The following NDEL1 variants were observed in gnomAD, a reference collection of about 807,000 sequenced individuals.
NDEL1 encodes nudE neurodevelopment protein 1 like 1, also known as nuclear distribution protein nudE-like 1.
NDEL1 carries 9 observed loss-of-function variants against 45.7 expected under a neutral mutation model. The ratio of observed to expected loss-of-function variants is 0.20; its 90% confidence interval spans 0.12 to 0.34. The LOEUF is 0.34. Among genes scored for constraint, NDEL1 ranks in the 10% least tolerant of loss-of-function variants. The pLI, the probability that NDEL1 is intolerant of heterozygous loss-of-function variation, is 1.00. For synonymous variants in NDEL1, 133 were observed against 158.6 expected (o/e 0.84, Z 1.21); for missense variants, 306 against 406.2 (o/e 0.75, Z 2.12).
intron 7 of NDEL1, among the ~76,000 whole-genome samples, chr17:8,459,184 TA>T (rs1911041220): frequency 6.6e-6 from 1 of 152,222 alleles, no homozygotes; most frequent in Admixed American, 6.5e-5. Context: ...ATTGTGTATA[TA>T]TATATTTTGC....
At chr17:8,472,670 AAAAC>A (rs1230183286), downstream of NDEL1, among the ~76,000 whole-genome samples, 1 of 152,156 alleles carries the variant, frequency 6.6e-6, no homozygotes, top group East Asian at 1.9e-4. Context: ...CTCGGGAAAA[AAAAC>A]AAGTTGTTAT....
chr17:8,466,364 CCT>C (rs1567745911), intron 8 of NDEL1: 1 of 153,020 alleles, frequency 6.5e-6, no homozygotes, highest in African/African-American at 2.4e-5. Context: ...ACACACTCCC[CCT>C]CTGTCCCTGC....
At chr17:8,463,357 A>G (rs1450023045) in intron 8 of NDEL1, 2 of 1,612,884 alleles carry the variant, frequency 1.2e-6, no homozygotes, top group Admixed American at 1.7e-5. Flanking sequence ...GTTCATGGGT[A>G]ACTGAATTTG....
At chr17:8,414,798 G>T (rs981826771) in intron 1 of NDEL1, among the ~76,000 whole-genome samples, 2 of 152,136 alleles carry the variant, frequency 1.3e-5, no homozygotes, top group Non-Finnish European at 1.5e-5. Context: ...GGGATTACAG[G>T]CTTGAGCCAC....
At chr17:8,442,670 C>T (rs999598828) in intron 1 of NDEL1, among the ~76,000 whole-genome samples, 10 of 148,878 alleles carry the variant, frequency 6.7e-5, no homozygotes, top group East Asian at 3.9e-4. Context: ...GAGATTTAAC[C>T]GTTCATTCCT....
chr17:8,445,947 G>A (rs771169309), intron 3 of NDEL1, 83 bp downstream of exon 3: 18 of 1,262,000 alleles, frequency 1.4e-5, no homozygotes, highest in Non-Finnish European at 1.5e-5. Flanking sequence ...CTTAAGAGCA[G>A]CTGGCGACAA....
intron 6 of NDEL1, among the ~76,000 whole-genome samples, chr17:8,451,194 A>G (rs1331373661): frequency 7.9e-5 from 12 of 152,200 alleles, no homozygotes. Context: ...AGGAAAGTTT[A>G]TTTTTTGATG....
rs1212974599 is a variant in NDEL1 at position 8,465,281 on chromosome 17, T to A, written c.945-1649T>A. The A allele has an allele frequency of 6.6e-6, 1 of 152,180 alleles. No homozygotes were observed. The highest frequency in any genetic ancestry group is 1.5e-5 in the Non-Finnish European group (1 of 68,030). The allele number at this position is 152,180 out of a possible 1,614,324, so 9.4% of individuals were successfully genotyped here. A position where few individuals can be genotyped will look rare whatever the true frequency, so the allele number is the denominator to read the frequency against. ...CAGAAGAGGCACAGGCCTGTGACCTTGGGAGAGTGGGAAGGATGATTTCAA... is the reference window on the plus strand; with the variant it reads ...CAGAAGAGGCACAGGCCTGTGACCTAGGGAGAGTGGGAAGGATGATTTCAA... On this transcript the variant is annotated intron_variant, in intron 8 of 8. Coordinates refer to ENST00000334527, the MANE Select transcript of NDEL1 (RefSeq NM_030808.5). The surrounding 1 kb of genome is among the most constrained non-coding windows in gnomAD (Gnocchi z 4.9).
intron 1 of NDEL1, among the ~76,000 whole-genome samples, chr17:8,440,881 C>T (rs1597529000): frequency 1.3e-5 from 2 of 152,154 alleles, no homozygotes; most frequent in African/African-American, 4.8e-5. Context: ...ACAAAAAATA[C>T]CCCCACATGG....
intron 1 of NDEL1, among the ~76,000 whole-genome samples, chr17:8,428,942 G>A (rs940995311): frequency 2.0e-5 from 3 of 152,086 alleles, no homozygotes; most frequent in Non-Finnish European, 2.9e-5. Context: ...CAAAGTGCTG[G>A]GATTACAGGC....
chr17:8,449,592 T>A (rs4344810), intron 5 of NDEL1, among the ~76,000 whole-genome samples: 3 of 152,226 alleles, frequency 2.0e-5, no homozygotes, highest in Non-Finnish European at 4.4e-5. Context: ...CACAGTTCTA[T>A]TTTCTATGAG....
chr17:8,450,288 CAAAA>C (rs5819194), intron 5 of NDEL1, among the ~76,000 whole-genome samples: 1 of 115,694 alleles, frequency 8.6e-6, no homozygotes, highest in Admixed American at 9.3e-5. Context: ...GACTCCGTCT[CAAAA>C]AAAAAAAAAA....
intron 1 of NDEL1, among the ~76,000 whole-genome samples, chr17:8,421,214 G>A (rs1254115768): frequency 2.0e-5 from 3 of 152,176 alleles, no homozygotes; most frequent in Non-Finnish European, 2.9e-5. Flanking sequence ...AGCAAATAAT[G>A]TGCAGGTGGT....
At chr17:8,421,539 C>T (rs574895669) in intron 1 of NDEL1, among the ~76,000 whole-genome samples, 13 of 152,248 alleles carry the variant, frequency 8.5e-5, no homozygotes, top group African/African-American at 2.6e-4. Context: ...TGACTCTCTC[C>T]GAGCTTTCAG....
intron 1 of NDEL1, among the ~76,000 whole-genome samples, chr17:8,418,489 T>A (rs1908605744): frequency 6.6e-6 from 1 of 152,150 alleles, no homozygotes; most frequent in Non-Finnish European, 1.5e-5. Context: ...TAGCTGAGGG[T>A]CTTCTTAGGT....
chr17:8,433,519 G>C (rs1241491826), upstream of NDEL1, among the ~76,000 whole-genome samples: 1 of 151,864 alleles, frequency 6.6e-6, no homozygotes, highest in African/African-American at 2.4e-5. Context: ...TTCCACCCAG[G>C]CTTCACCATA....
At chr17:8,432,359 A>ATATATATATTATATATAAATAT, upstream of NDEL1, among the ~76,000 whole-genome samples, 1 of 59,822 alleles carries the variant, frequency 1.7e-5, no homozygotes, top group Non-Finnish European at 3.6e-5. Flanking sequence ...TATAAATATA[A>ATATATATATTATATATAAATAT]ATATATATAT....
At chr17:8,469,020 A>C (rs1321007050), downstream of NDEL1, among the ~76,000 whole-genome samples, 2 of 152,050 alleles carry the variant, frequency 1.3e-5, no homozygotes, top group Admixed American at 1.3e-4. Flanking sequence ...ACCCACAAAA[A>C]CCCTGAGTGA....
At chr17:8,452,770 G>A (rs964276900) in intron 6 of NDEL1, among the ~76,000 whole-genome samples, 1 of 10,342 alleles carries the variant, frequency 9.7e-5, no homozygotes. Context: ...ACAGAGTTTT[G>A]CTTTTTTTGC....
Sources: allele counts gnomAD v4.1 joint callset (sites outside exome capture counted in the v4.1 genomes callset), GRCh38; gene constraint gnomAD v4.1.1; non-coding constraint Gnocchi (gnomAD v3.1); transcripts MANE v1.5; gene names NCBI Gene and HGNC (gene_info 2026-07-23, HGNC 2026-07-21).